Variants in TSPAN4 observed in about 807,000 individuals in gnomAD.
TSPAN4 encodes the protein tetraspanin 4, also known as tetraspanin-4.
A neutral mutation model predicts 31.5 loss-of-function variants in TSPAN4; 38 were observed. The ratio of observed to expected loss-of-function variants is 1.21; its 90% CI spans 0.93 to 1.58. The LOEUF is 1.58. Among genes scored for constraint, TSPAN4 ranks in the 40% most tolerant of loss-of-function variants. The pLI is 0.00. For synonymous variants in TSPAN4, 186 were observed against 144.6 expected (o/e 1.29, Z -2.06); for missense variants, 330 against 317.3 (o/e 1.04, Z -0.30).
chr11:865,588 A>G lies in TSPAN4; in HGVS notation c.406A>G (p.Asn136Asp). Residue 136 changes from asparagine (N) to aspartate (D), a missense_variant, in exon 6 of 9, where the codon AAC becomes GAC. Asn to Asp is a conservative substitution (Grantham distance 23). Transcript: ENST00000397397. ...YGTQGNVGLTNAWSIIQTDFR... is the reference protein window; with the variant it reads ...YGTQGNVGLTDAWSIIQTDFR... ...CACGCAGGGCAACGTGGGCCTCACC[A>G]ACGCCTGGAGCATCATCCAGACCGA... 6.2e-7 allele frequency: 1 copy of G among 1,612,866 alleles called. No homozygotes were observed. The highest frequency in any genetic ancestry group is 8.5e-7 in the Non-Finnish European group (1 of 1,179,878).
At chr11:850,000 G>C (rs1289143817) in intron 2 of TSPAN4, 1 of 178,768 alleles carries the variant, frequency 5.6e-6, no homozygotes, top group Non-Finnish European at 1.1e-5. Flanking sequence ...GCGGGGCGCT[G>C]AGCGGCGGCC....
chr11:856,281 G>A (rs1310524433), intron 3 of TSPAN4, among the ~76,000 whole-genome samples: 6 of 152,264 alleles, frequency 3.9e-5, no homozygotes, highest in Non-Finnish European at 8.8e-5. Flanking sequence ...GGGTGAGCGA[G>A]TGTCTGATGG....
At chr11:859,619 C>T (rs987507968) in intron 3 of TSPAN4, 4 of 157,276 alleles carry the variant, frequency 2.5e-5, no homozygotes, top group African/African-American at 4.9e-5. Flanking sequence ...CCCCTGCTCA[C>T]ATGCACCCCA....
chr11:850,669 G>A (rs971790136), intron 3 of TSPAN4, among the ~76,000 whole-genome samples: 4 of 152,214 alleles, frequency 2.6e-5, no homozygotes, highest in African/African-American at 9.6e-5. Flanking sequence ...ACACGTGCGC[G>A]CCGGACAGGG....
At chr11:845,461 AC>A (rs2133981068) in intron 1 of TSPAN4, among the ~76,000 whole-genome samples, 1 of 151,852 alleles carries the variant, frequency 6.6e-6, no homozygotes, top group African/African-American at 2.4e-5. Context: ...GACTGAACTG[AC>A]CCTAGCCTCA....
rs373247920 is a variant in TSPAN4 at position 864,504 on chromosome 11, C to G, written c.323C>G (p.Thr108Arg). 6.2e-7 allele frequency: 1 copy of G among 1,612,502 alleles called. No individual in the cohort carries two copies. Among genetic ancestry groups the G allele is most frequent in the Non-Finnish European group, 8.5e-7 (1 of 1,179,934 alleles). ...ATIAILFFAYTDKIDRYAQQD... is the reference protein window; with the variant it reads ...ATIAILFFAYRDKIDRYAQQD... The stretch of plus-strand genomic sequence containing the variant: ...ATCGCCATCCTCTTCTTCGCCTACA[C>G]GGACAAGGTACGGCTGCCTTGGCCG... The change falls in exon 5 of 9, where the codon ACG becomes AGG. Residue 108 changes from threonine to arginine, a missense_variant. Physicochemically the swap from Thr to Arg is moderately conservative, Grantham distance 71 (BLOSUM62 -1). Coordinates refer to ENST00000397397, the MANE Select transcript of TSPAN4 (RefSeq NM_003271.5).
intron 3 of TSPAN4, 128 bp downstream of exon 3, chr11:850,495 G>T (rs963772791): frequency 2.5e-6 from 2 of 790,826 alleles, no homozygotes; most frequent in Admixed American, 4.9e-5. Context: ...GGATGGTCCC[G>T]GGAGGACCCA....
intron 4 of TSPAN4, chr11:864,019 G>A (rs1589795033): frequency 1.3e-5 from 3 of 231,078 alleles, no homozygotes; most frequent in East Asian, 2.0e-4. Flanking sequence ...CCCCTGCTGG[G>A]ACATCTTCCC....
chr11:861,357 G>C (rs1848445953), intron 3 of TSPAN4, among the ~76,000 whole-genome samples: 1 of 152,172 alleles, frequency 6.6e-6, no homozygotes, highest in African/African-American at 2.4e-5. Flanking sequence ...GCTCATGCCT[G>C]TAATCTCAGC....
Position 865,683 on chromosome 11 carries a change from T to C in TSPAN4, c.433-11T>C, listed in dbSNP as rs1404026364. The C allele has an allele frequency of 6.2e-7, 1 of 1,613,132 alleles. No individual in the cohort carries two copies. Among genetic ancestry groups the C allele is most frequent in the Non-Finnish European group, 8.5e-7 (1 of 1,179,868 alleles). ...CCTCCTGCCTCAGCCCGACCTGAGC[T>C]TGCCCCCCAGTTCCGCTGCTGTGGC... On this transcript the variant is annotated splice_polypyrimidine_tract_variant and intron_variant, in intron 6 of 8. Coordinates refer to ENST00000397397, the MANE Select transcript of TSPAN4 (RefSeq NM_003271.5).
chr11:850,310 G>A lies in TSPAN4; in HGVS notation c.6G>A (p.Ala2=). ...TAGAACTGAAGCGCTGCGGCATGGC[G>A]CGCGCCTGCCTCCAGGCCGTCAAGT... The part of the protein sequence containing the change: M[A]RACLQAVKYL... The change falls in exon 3 of 9, where the codon GCG becomes GCA. Residue 2 remains alanine (A), a synonymous_variant. Transcript: ENST00000397397. 1.9e-6 allele frequency: 3 copies of A among 1,606,530 alleles called. No homozygotes were observed. Among genetic ancestry groups the A allele is most frequent in the South Asian group, 1.1e-5 (1 of 90,760 alleles).
intron 1 of TSPAN4, among the ~76,000 whole-genome samples, chr11:846,154 T>G (rs900116230): frequency 1.3e-5 from 2 of 152,216 alleles, no homozygotes; most frequent in African/African-American, 4.8e-5. Flanking sequence ...CTGCCCCTGC[T>G]GAGCTGTGTG....
intron 1 of TSPAN4, 171 bp downstream of exon 1, chr11:843,086 G>T (rs1417959306): frequency 2.0e-5 from 3 of 151,874 alleles, no homozygotes; most frequent in Non-Finnish European, 4.4e-5. Flanking sequence ...GGCGGGCGGG[G>T]GCCGGGGCGG....
rs1463665619 is a variant in TSPAN4, at chr11:850,387, T to A, written c.63+20T>A. ...TTCTGGGTGAGTCCGGGGGCCGGGG[T>A]GGGGGCCCGGGAAAGACCCGGGGTC... On this transcript the variant is annotated intron_variant, in intron 3 of 8. Transcript: ENST00000397397. The A allele has an allele frequency of 6.3e-7, 1 of 1,588,508 alleles. No individual in the cohort carries two copies. Among genetic ancestry groups the A allele is most frequent in the African/African-American group, 1.3e-5 (1 of 74,366 alleles).
chr11:852,313 A>G (rs544888356), intron 3 of TSPAN4, among the ~76,000 whole-genome samples: 25 of 152,114 alleles, frequency 1.6e-4, no homozygotes, highest in African/African-American at 5.5e-4. Flanking sequence ...TAGTAGAGAC[A>G]GGGTTTCACC....
intron 3 of TSPAN4, among the ~76,000 whole-genome samples, chr11:850,796 C>T (rs1847643941): frequency 6.6e-6 from 1 of 152,232 alleles, no homozygotes; most frequent in Admixed American, 6.5e-5. Context: ...AGCCGTTATC[C>T]TTGCCTCGGC....
intron 2 of TSPAN4, chr11:850,085 C>T (rs1847576842): frequency 7.0e-6 from 3 of 427,878 alleles, no homozygotes; most frequent in East Asian, 4.1e-5. Flanking sequence ...CTCCGGAGGG[C>T]AAGGAGCCGG....
rs148169734 is a variant in TSPAN4 at position 850,303 on chromosome 11, G to A, written c.-2G>A. ...TTCCTCCTAGAACTGAAGCGCTGCG[G>A]CATGGCGCGCGCCTGCCTCCAGGCC... On this transcript the variant is annotated 5_prime_UTR_variant, in exon 3 of 9. Coordinates refer to ENST00000397397, the MANE Select transcript of TSPAN4 (RefSeq NM_003271.5). 8.1e-4 allele frequency: 1,299 copies of A among 1,606,536 alleles called. 5 individuals are homozygous for A. In the African/African-American group the frequency reaches 9.4e-3, roughly 12 times the overall value.
intron 4 of TSPAN4, chr11:864,106 T>C: frequency 2.4e-6 from 1 of 422,650 alleles, no homozygotes; most frequent in Non-Finnish European, 4.4e-6. Flanking sequence ...TGAAGGCAGC[T>C]GACAGGGGCT....
Sources: allele counts gnomAD v4.1 joint callset (sites outside exome capture counted in the v4.1 genomes callset), GRCh38; gene constraint gnomAD v4.1.1; transcripts MANE v1.5; gene names NCBI Gene and HGNC (gene_info 2026-07-23, HGNC 2026-07-21).